The following PPP1R16B variants were observed in gnomAD, a reference collection of about 807,000 sequenced individuals.
PPP1R16B encodes the protein protein phosphatase 1 regulatory subunit 16B, also known as protein phosphatase 1 regulatory inhibitor subunit 16B.
Under a neutral mutation model 61.7 loss-of-function variants are expected in PPP1R16B, and 14 were observed. That is an observed-to-expected ratio of 0.23 (90% CI 0.15 to 0.35). The LOEUF is 0.35. Among genes scored for constraint, PPP1R16B ranks in the 10% least tolerant of loss-of-function variants. The pLI is 1.00. For synonymous variants in PPP1R16B, 266 were observed against 305.3 expected, an observed-to-expected ratio of 0.87 and a Z score of 1.34; for missense variants, 547 against 752.5, an observed-to-expected ratio of 0.73 and a Z score of 3.19.
chr20:38,849,787 A>G (rs1601254835), intron 2 of PPP1R16B, among the ~76,000 whole-genome samples: 1 of 152,214 alleles, frequency 6.6e-6, no homozygotes, highest in African/African-American at 2.4e-5. Context: ...GTAACTAATC[A>G]GCACTCAGAT....
At chr20:38,915,918 C>G (rs543622931) in intron 10 of PPP1R16B, among the ~76,000 whole-genome samples, 279 of 151,798 alleles carry the variant, frequency 1.8e-3, no homozygotes, top group African/African-American at 6.4e-3. Context: ...AGGCCCCAAC[C>G]CAGACCTATT....
intron 1 of PPP1R16B, among the ~76,000 whole-genome samples, chr20:38,813,558 T>C (rs2084714925): frequency 6.6e-6 from 1 of 152,124 alleles, no homozygotes; most frequent in Admixed American, 6.5e-5. Flanking sequence ...ATGGGCACAG[T>C]GGCACTCGGC....
At position 38,918,184 on chromosome 20, in the gene PPP1R16B, C is replaced by G; in HGVS notation, c.1222C>G (p.Leu408Val). ...PNPRLEKPVLLSEFPTKIPRG... is the reference protein window; with the variant it reads ...PNPRLEKPVLVSEFPTKIPRG... Reference sequence around the variant, plus strand: ...CCCCAGGCTGGAGAAGCCCGTGCTACTCTCCGAATTTCCTACCAAGATCCC... The same window carrying G: ...CCCCAGGCTGGAGAAGCCCGTGCTAGTCTCCGAATTTCCTACCAAGATCCC... The change falls in exon 11 of 11, where the codon CTC becomes GTC. Residue 408 changes from leucine to valine, a missense_variant. Physicochemically the swap from Leu to Val is conservative, Grantham distance 32 (BLOSUM62 1). Transcript: ENST00000299824. The surrounding 1 kb of genome is among the most constrained non-coding windows in gnomAD (Gnocchi z 5.3). 1 of 1,614,224 alleles carries G rather than the reference C, an allele frequency of 6.2e-7. No homozygotes were observed. Among genetic ancestry groups the G allele is most frequent in the South Asian group, 1.1e-5 (1 of 91,086 alleles).
chr20:38,818,587 G>T (rs966531948), intron 1 of PPP1R16B, among the ~76,000 whole-genome samples: 1 of 152,164 alleles, frequency 6.6e-6, no homozygotes, highest in Non-Finnish European at 1.5e-5. Context: ...TGGAAGGTAA[G>T]CGGTGGAGGC....
rs1011619799 is a variant in PPP1R16B, at chr20:38,891,820, T to A, written c.321+2155T>A. Among the ~76,000 whole-genome samples the A allele has an allele frequency of 8.9e-4, 135 of 150,996 alleles. 1 individual carries two copies. Among genetic ancestry groups the A allele is most frequent in the African/African-American group, 2.9e-3 (121 of 41,088 alleles). ...CTGTCTCAAAAAAAAAAAAAAGAAA[T>A]ATTATCATCCCTGTTTTATGGCTCA... On this transcript the variant is annotated intron_variant, in intron 3 of 10. Transcript: ENST00000299824.
chr20:38,887,854 G>A (rs1400195723), intron 2 of PPP1R16B, among the ~76,000 whole-genome samples: 1 of 152,136 alleles, frequency 6.6e-6, no homozygotes, highest in African/African-American at 2.4e-5. Flanking sequence ...GCAGGGCCTC[G>A]GTTCACACTG....
chr20:38,841,226 AG>A (rs1432031985), intron 2 of PPP1R16B, among the ~76,000 whole-genome samples: 1 of 152,074 alleles, frequency 6.6e-6, no homozygotes, highest in Admixed American at 6.6e-5. Context: ...GCCACAATCC[AG>A]TTGTAAAACA....
At chr20:38,840,254 G>C (rs1422851649) in intron 2 of PPP1R16B, among the ~76,000 whole-genome samples, 1 of 152,148 alleles carries the variant, frequency 6.6e-6, no homozygotes, top group Non-Finnish European at 1.5e-5. Context: ...TCACAGTGGC[G>C]TGGGAGCGTG....
In PPP1R16B at chr20:38,878,187, A is replaced by G. The variant is rs116924606; in HGVS notation, c.251-11408A>G. On this transcript the variant is annotated intron_variant, in intron 2 of 10. Transcript: ENST00000299824. ...ATGGAAGATACAAGTAGTGACTTCA[A>G]TTTCTTATGTGGTTACCTTTAAAAT... Among the ~76,000 whole-genome samples the G allele has an allele frequency of 1.4e-4, 22 of 152,196 alleles. No individual in the cohort carries two copies. The East Asian group carries it at 4.0e-3, about 28-fold the overall frequency.
At chr20:38,848,886 A>T (rs2084950692) in intron 2 of PPP1R16B, among the ~76,000 whole-genome samples, 1 of 152,212 alleles carries the variant, frequency 6.6e-6, no homozygotes, top group Non-Finnish European at 1.5e-5. Context: ...GGGGGATGAA[A>T]TAATCTGTAC....
At chr20:38,885,057 A>T (rs182989468) in intron 2 of PPP1R16B, among the ~76,000 whole-genome samples, 2 of 142,568 alleles carry the variant, frequency 1.4e-5, no homozygotes, top group East Asian at 2.0e-4. Flanking sequence ...AAAAAAAAAA[A>T]AAGAAGAAGA....
At chr20:38,818,722 TGGTCG>T (rs1236480762) in intron 1 of PPP1R16B, among the ~76,000 whole-genome samples, 2 of 151,568 alleles carry the variant, frequency 1.3e-5, no homozygotes, top group African/African-American at 2.4e-5. Flanking sequence ...TTATGGGCAG[TGGTCG>T]AGTGTGTAGG....
intron 1 of PPP1R16B, among the ~76,000 whole-genome samples, chr20:38,810,992 A>C (rs1200972679): frequency 6.6e-6 from 1 of 152,054 alleles, no homozygotes; most frequent in Non-Finnish European, 1.5e-5. Context: ...GGCATTTTGG[A>C]GATGGGTCAC....
chr20:38,861,648 T>G (rs1479551258), intron 2 of PPP1R16B, among the ~76,000 whole-genome samples: 1 of 150,530 alleles, frequency 6.6e-6, no homozygotes, highest in Non-Finnish European at 1.5e-5. Context: ...ATCTGGATGG[T>G]GGGCCCTGGC....
At chr20:38,912,455 C>T (rs2085499381) in intron 10 of PPP1R16B, among the ~76,000 whole-genome samples, 1 of 149,036 alleles carries the variant, frequency 6.7e-6, no homozygotes. Context: ...ATCTTCTGAG[C>T]CTAGGAGTTA....
At chr20:38,808,196 C>T (rs957832076) in intron 1 of PPP1R16B, among the ~76,000 whole-genome samples, 2 of 152,172 alleles carry the variant, frequency 1.3e-5, no homozygotes, top group Admixed American at 1.3e-4. Context: ...ATTACTGATT[C>T]CCATTTTGCA....
In PPP1R16B at chr20:38,922,843, T is replaced by C. The variant is rs942416998; in HGVS notation, c.*4177T>C. 2.6e-5 allele frequency: 4 copies of C among 152,508 alleles called. No individual in the cohort carries two copies. The highest frequency in any genetic ancestry group is 9.6e-5 in the African/African-American group (4 of 41,474). The allele number at this position is 152,508 out of a possible 1,614,324, so 9.4% of individuals were successfully genotyped here. A position where few individuals can be genotyped will look rare whatever the true frequency, so the allele number is the denominator to read the frequency against. On this transcript the variant is annotated 3_prime_UTR_variant, in exon 11 of 11. Transcript: ENST00000299824. Reference sequence around the variant, plus strand: ...TCTTCGCAGATCTTTGATATCGTACTGAGGTAACTTCCACGTAGCCCCTTG... The same window carrying C: ...TCTTCGCAGATCTTTGATATCGTACCGAGGTAACTTCCACGTAGCCCCTTG...
intron 2 of PPP1R16B, among the ~76,000 whole-genome samples, chr20:38,838,967 G>A (rs769565024): frequency 2.6e-5 from 4 of 152,286 alleles, no homozygotes; most frequent in East Asian, 1.9e-4. Flanking sequence ...TCGCTCTGTC[G>A]CCCAGGCTGG....
intron 2 of PPP1R16B, among the ~76,000 whole-genome samples, chr20:38,889,081 C>A (rs1244221777): frequency 6.6e-6 from 1 of 152,122 alleles, no homozygotes; most frequent in Non-Finnish European, 1.5e-5. Context: ...ATCATCACAT[C>A]TGCCAGAGCA....
Sources: allele counts gnomAD v4.1 joint callset (sites outside exome capture counted in the v4.1 genomes callset), GRCh38; gene constraint gnomAD v4.1.1; non-coding constraint Gnocchi (gnomAD v3.1); transcripts MANE v1.5; gene names NCBI Gene and HGNC (gene_info 2026-07-23, HGNC 2026-07-21).